MCC: variants seen among roughly 807,000 people sequenced by gnomAD.
MCC encodes MCC regulator of Wnt signaling pathway, also known as colorectal mutant cancer protein.
Under a neutral mutation model 116.2 loss-of-function variants are expected in MCC, and 90 were observed. The ratio of observed to expected loss-of-function variants is 0.77; its 90% CI spans 0.65 to 0.92. The LOEUF (loss-of-function observed/expected upper bound fraction) is 0.92, where lower values mean the gene tolerates loss of function less well. Among genes scored for constraint, MCC ranks in the 40% least tolerant of loss-of-function variants. The pLI is 0.00. For missense variants in MCC, 1,516 were observed against 1,312.2 expected, an observed-to-expected ratio of 1.16 and a Z score of -2.40; for synonymous variants, 578 against 510.5, an observed-to-expected ratio of 1.13 and a Z score of -1.78.
At chr5:113,223,221 A>C (rs1763616250) in intron 3 of MCC, among the ~76,000 whole-genome samples, 1 of 152,210 alleles carries the variant, frequency 6.6e-6, no homozygotes, top group Admixed American at 6.5e-5. Flanking sequence ...AGGGCAGGGC[A>C]ATGAGAGCAG....
chr5:113,191,704 T>C (rs905644107), intron 3 of MCC, among the ~76,000 whole-genome samples: 1 of 152,210 alleles, frequency 6.6e-6, no homozygotes, highest in Admixed American at 6.5e-5. Flanking sequence ...GACAGCAGGA[T>C]GCAACAGTTT....
At chr5:113,487,614 G>A (rs1772573045) in intron 1 of MCC, among the ~76,000 whole-genome samples, 1 of 152,248 alleles carries the variant, frequency 6.6e-6, no homozygotes, top group African/African-American at 2.4e-5. Flanking sequence ...ACAGAGCCGG[G>A]TAGGAGTCGG....
chr5:113,432,615 C>G (rs1455596621), intron 1 of MCC: 2 of 152,148 alleles, frequency 1.3e-5, no homozygotes, highest in Non-Finnish European at 2.9e-5. Context: ...AACCAACTTG[C>G]CCAAGATCAT....
rs1769143701 is a variant in MCC at position 113,382,272 on chromosome 5, T to G, written c.415+2696A>C. On this transcript the variant is annotated intron_variant, in intron 2 of 18. Transcript: ENST00000408903. ...TATATCTTTATCTAATTATTGTCCT[T>G]TTTTTTTTTTTTTTTGGATACAGGG... 3.6e-5 allele frequency among the ~76,000 whole-genome samples: 5 copies of G among 140,350 alleles called. No individual in the cohort carries two copies. In the South Asian group the frequency reaches 6.6e-4, roughly 18 times the overall value. 92.1% of individuals were successfully genotyped at this position (140,350 alleles called of 152,430 possible). A position where few individuals can be genotyped will look rare whatever the true frequency, so the allele number is the denominator to read the frequency against.
intron 3 of MCC, among the ~76,000 whole-genome samples, chr5:113,262,813 G>A (rs1464948592): frequency 6.6e-6 from 1 of 152,084 alleles, no homozygotes; most frequent in African/African-American, 2.4e-5. Context: ...AAATGGGCTT[G>A]ATAATTTGCA....
intron 4 of MCC, among the ~76,000 whole-genome samples, chr5:113,144,011 A>T (rs1759344346): frequency 6.6e-6 from 1 of 152,210 alleles, no homozygotes; most frequent in Non-Finnish European, 1.5e-5. Context: ...CCTGGAAGGC[A>T]AGGACTAGGT....
chr5:113,244,137 T>C (rs779001894), intron 3 of MCC, among the ~76,000 whole-genome samples: 13 of 152,238 alleles, frequency 8.5e-5, no homozygotes, highest in Non-Finnish European at 1.3e-4. Context: ...TTGATTCTAA[T>C]AGATCTGGCT....
At chr5:113,350,611 G>T (rs1581419383) in intron 2 of MCC, among the ~76,000 whole-genome samples, 1 of 152,182 alleles carries the variant, frequency 6.6e-6, no homozygotes, top group Non-Finnish European at 1.5e-5. Flanking sequence ...AAACTCTCCA[G>T]AACATTGGTC....
At chr5:113,077,199 A>G (rs996944161) in intron 11 of MCC, among the ~76,000 whole-genome samples, 2 of 152,126 alleles carry the variant, frequency 1.3e-5, no homozygotes, top group African/African-American at 4.8e-5. Flanking sequence ...CTCCCACACA[A>G]TAATAATGGA....
At chr5:113,109,218 T>C (rs918763816) in intron 6 of MCC, among the ~76,000 whole-genome samples, 16 of 152,190 alleles carry the variant, frequency 1.1e-4, no homozygotes, top group African/African-American at 3.1e-4. Flanking sequence ...TGTACCCCGA[T>C]GTTCATAGCA....
At chr5:113,326,171 G>T (rs1313317772) in intron 3 of MCC, among the ~76,000 whole-genome samples, 4 of 152,112 alleles carry the variant, frequency 2.6e-5, no homozygotes, top group African/African-American at 9.6e-5. Context: ...GAATAATATG[G>T]GATACACAGA....
chr5:113,103,926 C>G (rs866625178), intron 7 of MCC, among the ~76,000 whole-genome samples: 2 of 152,304 alleles, frequency 1.3e-5, no homozygotes, highest in Middle Eastern at 3.4e-3. Flanking sequence ...TCAATACTAG[C>G]AGTCGAATGG....
At chr5:113,395,912 G>A (rs73252719) in intron 1 of MCC, among the ~76,000 whole-genome samples, 2 of 152,144 alleles carry the variant, frequency 1.3e-5, no homozygotes, top group Non-Finnish European at 2.9e-5. Flanking sequence ...TGGGAAATGG[G>A]AGAGGGGAAG....
intron 3 of MCC, among the ~76,000 whole-genome samples, chr5:113,338,441 A>T (rs1461495712): frequency 6.6e-6 from 1 of 152,180 alleles, no homozygotes; most frequent in Non-Finnish European, 1.5e-5. Flanking sequence ...GGAGAACAGA[A>T]ATCAGTCCAG....
At chr5:113,446,932 C>A (rs1771237134) in intron 1 of MCC, among the ~76,000 whole-genome samples, 3 of 151,960 alleles carry the variant, frequency 2.0e-5, no homozygotes, top group Admixed American at 2.0e-4. Flanking sequence ...TGCACATGTA[C>A]CCCCTGAATC....
At chr5:113,370,272 C>G (rs1004091996) in intron 2 of MCC, among the ~76,000 whole-genome samples, 1 of 152,178 alleles carries the variant, frequency 6.6e-6, no homozygotes, top group African/African-American at 2.4e-5. Flanking sequence ...GTAACCATTC[C>G]TAGGCCATGA....
At chr5:113,266,965 A>T (rs997897787) in intron 3 of MCC, among the ~76,000 whole-genome samples, 13 of 152,232 alleles carry the variant, frequency 8.5e-5, no homozygotes, top group Non-Finnish European at 1.8e-4. Flanking sequence ...AGCCTAAGTT[A>T]CTGACCAGTT....
chr5:113,178,788 T>G (rs1295702897), intron 3 of MCC, among the ~76,000 whole-genome samples: 1 of 152,168 alleles, frequency 6.6e-6, no homozygotes, highest in African/African-American at 2.4e-5. Context: ...CTATTTTCTT[T>G]TCCTCCTATC....
chr5:113,196,505 G>T (rs2150316259), intron 3 of MCC, among the ~76,000 whole-genome samples: 1 of 152,316 alleles, frequency 6.6e-6, no homozygotes, highest in Non-Finnish European at 1.5e-5. Flanking sequence ...CAGAAATAGG[G>T]ATTTTTAAGT....
Sources: gnomAD v4.1 joint callset for allele counts (sites outside exome capture counted in the v4.1 genomes callset) on GRCh38, gnomAD v4.1.1 for gene constraint, MANE v1.5 for transcripts, NCBI Gene and HGNC (gene_info 2026-07-23, HGNC 2026-07-21) for gene names.